Variants in ADGRB1 observed in about 807,000 individuals in gnomAD.
The protein encoded by ADGRB1 is brain-specific angiogenesis inhibitor 1.
Under a neutral mutation model 175.7 loss-of-function variants are expected in ADGRB1, and 36 were observed. The ratio of observed to expected loss-of-function variants is 0.20; its 90% confidence interval spans 0.16 to 0.27. The LOEUF is 0.27. Among genes scored for constraint, ADGRB1 ranks in the 10% least tolerant of loss-of-function variants. The pLI is 1.00. For synonymous variants in ADGRB1, 1,054 were observed against 979.4 expected, an observed-to-expected ratio of 1.08 and a Z score of -1.42; for missense variants, 1,731 against 2,255.3, an observed-to-expected ratio of 0.77 and a Z score of 4.71.
Position 142,492,860 on chromosome 8 carries a change from C to T in ADGRB1, c.2675+2045C>T, listed in dbSNP as rs1563709218. Among the ~76,000 whole-genome samples, 1 of 152,094 alleles carries T rather than the reference C, an allele frequency of 6.6e-6. No homozygotes were observed. The highest frequency in any genetic ancestry group is 1.5e-5 in the Non-Finnish European group (1 of 67,998). ...GGGCTGCAGGTGGGTCTCTCACCCC[C>T]ACAGCCCCAGCACTTCCACCAGCAC... is the stretch of plus-strand genomic sequence containing the variant. On this transcript the variant is annotated intron_variant, in intron 17 of 30. Coordinates refer to ENST00000517894, the MANE Select transcript of ADGRB1 (RefSeq NM_001702.3). The surrounding 1 kb of genome is among the most constrained non-coding windows in gnomAD (Gnocchi z 4.4).
Position 142,511,113 on chromosome 8 carries a change from G to A in ADGRB1, c.2817+40G>A. 1 of 1,068,204 alleles carries A rather than the reference G, an allele frequency of 9.4e-7. No homozygotes were observed. Among genetic ancestry groups the A allele is most frequent in the Non-Finnish European group, 1.1e-6 (1 of 884,494 alleles). 66.2% of individuals were successfully genotyped at this position (1,068,204 alleles called of 1,614,324 possible). The stretch of plus-strand genomic sequence containing the variant: ...GGGCCGGCGGGAGGGGCGCCGGGCA[G>A]GGGCGCGGGCGGGGGCTGCCGGCGG... On this transcript the variant is annotated intron_variant, in intron 18 of 30. Transcript: ENST00000517894. This position sits in a 1 kb window ranked among gnomAD's most constrained non-coding sequence, Gnocchi z 4.5.
chr8:142,467,190 C>T (rs1466455163), intron 2 of ADGRB1, among the ~76,000 whole-genome samples: 1 of 152,230 alleles, frequency 6.6e-6, no homozygotes, highest in Non-Finnish European at 1.5e-5. Flanking sequence ...GTGGTCGGGC[C>T]TCCCGTGGGA....
At chr8:142,465,840 C>T (rs1470836444) in intron 2 of ADGRB1, among the ~76,000 whole-genome samples, 1 of 152,070 alleles carries the variant, frequency 6.6e-6, no homozygotes, top group Non-Finnish European at 1.5e-5. Flanking sequence ...CGGCAAGTGG[C>T]GAGTCCTGGG....
chr8:142,500,892 A>G (rs1250165655), intron 17 of ADGRB1, among the ~76,000 whole-genome samples: 3 of 152,126 alleles, frequency 2.0e-5, no homozygotes, highest in Non-Finnish European at 2.9e-5. Context: ...AGATCCCTGG[A>G]GGGCAGGGGT....
At chr8:142,480,166 G>T (rs1008980933) in intron 9 of ADGRB1, among the ~76,000 whole-genome samples, 4 of 152,202 alleles carry the variant, frequency 2.6e-5, no homozygotes, top group Non-Finnish European at 4.4e-5. Context: ...CAGCCTCAAG[G>T]AGAAAGCAGG....
At chr8:142,498,578 A>C (rs905272876) in intron 17 of ADGRB1, among the ~76,000 whole-genome samples, 4 of 147,228 alleles carry the variant, frequency 2.7e-5, no homozygotes, top group African/African-American at 1.1e-4. Context: ...CCCAGGCCTC[A>C]GTTTCCTTAA....
intron 25 of ADGRB1, among the ~76,000 whole-genome samples, chr8:142,533,876 T>G (rs1844774495): frequency 6.6e-6 from 1 of 152,206 alleles, no homozygotes; most frequent in Non-Finnish European, 1.5e-5. Flanking sequence ...TTCACCAAAC[T>G]ACATCCCAAC....
At position 142,516,607 on chromosome 8, in the gene ADGRB1, G is replaced by GGT. The variant is rs149819921; in HGVS notation, c.2818-1515_2818-1514dup. Among the ~76,000 whole-genome samples the GGT allele has an allele frequency of 9.6e-4, 135 of 141,192 alleles. 1 individual carries two copies. The highest frequency in any genetic ancestry group is 4.3e-3 in the East Asian group (20 of 4,626). The allele number at this position is 141,192 out of a possible 152,430, so 92.6% of individuals were successfully genotyped here. On this transcript the variant is annotated intron_variant, in intron 18 of 30. Coordinates refer to ENST00000517894, the MANE Select transcript of ADGRB1 (RefSeq NM_001702.3). ...GGCATGCGTGTGTGTGCAGGCCACA[G>GGT]GTGTGTGTGTGTGTGTGCATGTGTG... is the stretch of plus-strand genomic sequence containing the variant.
At position 142,543,770 on chromosome 8, in the gene ADGRB1, C is replaced by T. The variant is rs2132300926; in HGVS notation, c.4557+62C>T. 1.4e-6 allele frequency: 2 copies of T among 1,427,014 alleles called. No homozygotes were observed. The highest frequency in any genetic ancestry group is 1.2e-5 in the South Asian group (1 of 81,522). 88.4% of individuals were successfully genotyped at this position (1,427,014 alleles called of 1,614,324 possible). A position where few individuals can be genotyped will look rare whatever the true frequency, so the allele number is the denominator to read the frequency against. On this transcript the variant is annotated intron_variant, in intron 30 of 30. Transcript: ENST00000517894. This position sits in a 1 kb window ranked among gnomAD's most constrained non-coding sequence, Gnocchi z 4.4. ...CTTAGGTCAGGCCACCGTCTCCCTTCTTCCCTGGATTTGTGCACTTCATCC... is the reference window on the plus strand; with the variant it reads ...CTTAGGTCAGGCCACCGTCTCCCTTTTTCCCTGGATTTGTGCACTTCATCC...
At chr8:142,470,625 C>T (rs1019711227) in intron 2 of ADGRB1, among the ~76,000 whole-genome samples, 20 of 152,178 alleles carry the variant, frequency 1.3e-4, no homozygotes, top group East Asian at 1.9e-4. Context: ...TCCCTGTGTG[C>T]GTCCTCTGTG....
rs560361898 is a variant in ADGRB1, at chr8:142,474,478, G to T, written c.785-996G>T. Among the ~76,000 whole-genome samples, 1 of 152,130 alleles carries T rather than the reference G, an allele frequency of 6.6e-6. No homozygotes were observed. Among genetic ancestry groups the T allele is most frequent in the Non-Finnish European group, 1.5e-5 (1 of 68,002 alleles). Reference sequence around the variant, plus strand: ...GCCCAGAGTGCTGGGCAGGAGGCCCGAGCGGGAGGCCTGGACGCGGCAGCC... The same window carrying T: ...GCCCAGAGTGCTGGGCAGGAGGCCCTAGCGGGAGGCCTGGACGCGGCAGCC... On this transcript the variant is annotated intron_variant, in intron 2 of 30. Coordinates refer to ENST00000517894, the MANE Select transcript of ADGRB1 (RefSeq NM_001702.3). This position sits in a 1 kb window ranked among gnomAD's most constrained non-coding sequence, Gnocchi z 5.8.
At chr8:142,485,538 T>A (rs1171979269) in intron 13 of ADGRB1, among the ~76,000 whole-genome samples, 1 of 152,144 alleles carries the variant, frequency 6.6e-6, no homozygotes, top group Non-Finnish European at 1.5e-5. Flanking sequence ...AAATGTTTTT[T>A]AAAAAATTAG....
intron 22 of ADGRB1, 81 bp downstream of exon 22, chr8:142,522,791 C>A: frequency 7.6e-7 from 1 of 1,318,292 alleles, no homozygotes; most frequent in Non-Finnish European, 1.0e-6. Context: ...TGAGGGCTGG[C>A]CATGCCCTCC....
rs538082913 is a variant in ADGRB1, at chr8:142,532,937, C to T, written c.3399-358C>T. Among the ~76,000 whole-genome samples, 4 of 152,186 alleles carry T rather than the reference C, an allele frequency of 2.6e-5. No individual in the cohort carries two copies. In the South Asian group the frequency reaches 8.3e-4, roughly 32 times the overall value. On this transcript the variant is annotated intron_variant, in intron 24 of 30. Transcript: ENST00000517894. ...CCTTGCCCAGCTTCTCAGGACCTCC[C>T]TCCTGAGTCCTTGGGTCCACTCAGA...
intron 25 of ADGRB1, among the ~76,000 whole-genome samples, chr8:142,535,895 G>C (rs528447490): frequency 7.2e-5 from 11 of 152,304 alleles, no homozygotes; most frequent in African/African-American, 2.4e-4. Context: ...TGGTGTCCGG[G>C]GGTCAGAGGC....
rs536332727 is a variant in ADGRB1, at chr8:142,481,185, C to A, written c.1829-69C>A. On this transcript the variant is annotated intron_variant, in intron 9 of 30. Coordinates refer to ENST00000517894, the MANE Select transcript of ADGRB1 (RefSeq NM_001702.3). ...GGGTCCCTTCCAGAAGGTCTGCTGC[C>A]AGGGGCCAAGGGTGGGATTCCTGGG... is the stretch of plus-strand genomic sequence containing the variant. 49 of 1,455,868 alleles carry A rather than the reference C, an allele frequency of 3.4e-5. 1 individual carries two copies. The East Asian group carries it at 1.1e-3, about 32-fold the overall frequency. 90.2% of individuals were successfully genotyped at this position (1,455,868 alleles called of 1,614,324 possible).
chr8:142,469,384 AGT>A (rs1216001681), intron 2 of ADGRB1, among the ~76,000 whole-genome samples: 13 of 116,416 alleles, frequency 1.1e-4, no homozygotes, highest in South Asian at 2.8e-4. Context: ...TGAATGTGGG[AGT>A]GTGTATGTGC....
chr8:142,521,849 G>A (rs1843869233), intron 20 of ADGRB1, 116 bp from the exon 21 acceptor site: 4 of 1,210,266 alleles, frequency 3.3e-6, no homozygotes, highest in Non-Finnish European at 4.6e-6. Flanking sequence ...GGACCTGGTT[G>A]GGTCCCAGTG....
At position 142,464,216 on chromosome 8, in the gene ADGRB1, C is replaced by T. The variant is rs1840118059; in HGVS notation, c.18C>T (p.Ala6=). The T allele has an allele frequency of 1.5e-6, 2 of 1,291,178 alleles. No homozygotes were observed. The highest frequency in any genetic ancestry group is 2.9e-4 in the Middle Eastern group (1 of 3,424). The allele number at this position is 1,291,178 out of a possible 1,614,324, so 80.0% of individuals were successfully genotyped here. A position where few individuals can be genotyped will look rare whatever the true frequency, so the allele number is the denominator to read the frequency against. The stretch of plus-strand genomic sequence containing the variant: ...GAGCTAGGATGAGGGGCCAGGCCGC[C>T]GCCCCGGGCCCCGTCTGGATCCTCG... The part of the protein sequence containing the change: MRGQA[A]APGPVWILAP... The change falls in exon 2 of 31, where the codon GCC becomes GCT. Residue 6 remains alanine (A), a synonymous_variant. Coordinates refer to ENST00000517894, the MANE Select transcript of ADGRB1 (RefSeq NM_001702.3).
Sources: gnomAD v4.1 joint callset for allele counts (sites outside exome capture counted in the v4.1 genomes callset) on GRCh38, gnomAD v4.1.1 for gene constraint, Gnocchi (gnomAD v3.1) non-coding constraint, MANE v1.5 for transcripts, NCBI Gene and HGNC (gene_info 2026-07-23, HGNC 2026-07-21) for gene names.